TMTC4: variants seen among roughly 807,000 people sequenced by gnomAD.
TMTC4 encodes protein O-mannosyl-transferase TMTC4.
TMTC4 carries 65 observed loss-of-function variants against 86.0 expected under a neutral mutation model. That is an observed-to-expected ratio of 0.76 (90% confidence interval 0.62 to 0.93). The LOEUF (loss-of-function observed/expected upper bound fraction) is 0.93. TMTC4 is among the 40% of genes least tolerant of loss of function. The pLI is 0.00. For missense variants in TMTC4, 866 were observed against 948.1 expected, an observed-to-expected ratio of 0.91 and a Z score of 1.14; for synonymous variants, 379 against 382.5, an observed-to-expected ratio of 0.99 and a Z score of 0.11.
chr13:100,658,172 C>CA (rs1885334682), intron 5 of TMTC4, among the ~76,000 whole-genome samples: 1 of 152,174 alleles, frequency 6.6e-6, no homozygotes, highest in South Asian at 2.1e-4. Context: ...GTAAAATAGT[C>CA]AGAGATGCAG....
rs1390625868 is a variant in TMTC4, at chr13:100,625,629, C to T, written c.1742G>A (p.Ser581Asn). The T allele has an allele frequency of 1.9e-6, 3 of 1,614,188 alleles. No homozygotes were observed. Among genetic ancestry groups the T allele is most frequent in the Non-Finnish European group, 1.7e-6 (2 of 1,180,034 alleles). The stretch of plus-strand genomic sequence containing the variant: ...CTCTGCTGCTTCAAACCGTTTCAGG[C>T]TATTCTGCACTATGCCTAGATTCAT... The part of the protein sequence containing the change: ...AWMNLGIVQN[S>N]LKRFEAAEQS... The change falls in exon 15 of 19, where the codon AGC becomes AAC. Residue 581 changes from serine to asparagine, a missense_variant. Transcript: ENST00000342624.
chr13:100,616,393 G>T (rs1300644448), intron 15 of TMTC4, among the ~76,000 whole-genome samples: 1 of 152,030 alleles, frequency 6.6e-6, no homozygotes, highest in African/African-American at 2.4e-5. Context: ...AGTAGAGATG[G>T]GCTTTCACCA....
Position 100,604,840 on chromosome 13 carries a change from G to A in TMTC4, c.*154C>T, listed in dbSNP as rs1876327082. Reference sequence around the variant, plus strand: ...TCACGCATTCAAGAGTATATTGCTGGTGCTATAATCTTTTTGCATGTCTTT... The same window carrying A: ...TCACGCATTCAAGAGTATATTGCTGATGCTATAATCTTTTTGCATGTCTTT... On this transcript the variant is annotated 3_prime_UTR_variant, in exon 19 of 19. Transcript: ENST00000342624. 9 of 723,306 alleles carry A rather than the reference G, an allele frequency of 1.2e-5. No individual in the cohort carries two copies. Among genetic ancestry groups the A allele is most frequent in the Non-Finnish European group, 1.8e-5 (9 of 490,104 alleles). 44.8% of individuals were successfully genotyped at this position (723,306 alleles called of 1,614,324 possible).
At chr13:100,663,450 C>T (rs937119265) in intron 4 of TMTC4, among the ~76,000 whole-genome samples, 5 of 152,080 alleles carry the variant, frequency 3.3e-5, no homozygotes, top group African/African-American at 7.2e-5. Flanking sequence ...AGAGGAAAAT[C>T]GAAAGGAAAG....
chr13:100,623,640 GTTTTGTT>G (rs1271244590), intron 15 of TMTC4, among the ~76,000 whole-genome samples: 11 of 96,166 alleles, frequency 1.1e-4, no homozygotes, highest in Non-Finnish European at 1.4e-4. Context: ...TACTAGTTGG[GTTTTGTT>G]TTTTTTTTTT....
intron 12 of TMTC4, among the ~76,000 whole-genome samples, chr13:100,630,052 T>C (rs1379609225): frequency 6.6e-6 from 1 of 151,690 alleles, no homozygotes; most frequent in Non-Finnish European, 1.5e-5. Context: ...TGTGTGTGTG[T>C]GTGTGTGTGT....
chr13:100,636,869 A>T, intron 9 of TMTC4, 135 bp from the exon 10 acceptor site: 1 of 859,714 alleles, frequency 1.2e-6, no homozygotes, highest in Non-Finnish European at 1.8e-6. Flanking sequence ...AAATGTTGCC[A>T]ACGTGTATTG....
At chr13:100,643,220 C>A (rs74118116) in intron 6 of TMTC4, among the ~76,000 whole-genome samples, 1 of 152,186 alleles carries the variant, frequency 6.6e-6, no homozygotes, top group Non-Finnish European at 1.5e-5. Flanking sequence ...AAAAAGAGAT[C>A]GGTATCAAGT....
Position 100,656,485 on chromosome 13 carries a change from G to T in TMTC4, c.553-17C>A. 1 of 1,429,356 alleles carries T rather than the reference G, an allele frequency of 7.0e-7. No individual in the cohort carries two copies. Among genetic ancestry groups the T allele is most frequent in the South Asian group, 1.4e-5 (1 of 69,128 alleles). 88.5% of individuals were successfully genotyped at this position (1,429,356 alleles called of 1,614,324 possible). A position where few individuals can be genotyped will look rare whatever the true frequency, so the allele number is the denominator to read the frequency against. ...ACCAGCAACCTTAAAAAAGGGGGAAGAAAACAAAGAATTACATAAAACACA... is the reference window on the plus strand; with the variant it reads ...ACCAGCAACCTTAAAAAAGGGGGAATAAAACAAAGAATTACATAAAACACA... On this transcript the variant is annotated splice_polypyrimidine_tract_variant and intron_variant, in intron 5 of 18. Transcript: ENST00000342624.
rs759615673 is a variant in TMTC4 at position 100,634,836 on chromosome 13, C to G, written c.1475G>C (p.Ser492Thr). ...ATTGAGGGGACACACAGACAGAGCA[C>G]TTCTGAAAAGCTGTTCCTCACTCCG... is the stretch of plus-strand genomic sequence containing the variant. ...EWRSEEQLFR[S>T]ALSVCPLNAK... The change falls in exon 12 of 19, where the codon AGT becomes ACT. Residue 492 changes from serine (S) to threonine (T), a missense_variant. Transcript: ENST00000342624. The G allele has an allele frequency of 3.1e-6, 5 of 1,614,184 alleles. No individual in the cohort carries two copies. The highest frequency in any genetic ancestry group is 1.7e-5 in the Admixed American group (1 of 60,012).
chr13:100,636,396 T>C, intron 10 of TMTC4, 136 bp downstream of exon 10: 1 of 1,067,680 alleles, frequency 9.4e-7, no homozygotes. Context: ...GAACTCATCC[T>C]AGCCATAAAT....
intron 6 of TMTC4, among the ~76,000 whole-genome samples, chr13:100,654,945 A>G (rs1884894884): frequency 6.6e-6 from 1 of 151,946 alleles, no homozygotes; most frequent in African/African-American, 2.4e-5. Context: ...ATAAGTTAAA[A>G]TTATGTTAAC....
Position 100,635,032 on chromosome 13 carries a change from T to C in TMTC4, c.1366A>G (p.Lys456Glu). ...CCACTCTCAGTTGATACCTTTTTCTTGGTATGTTTGCTCAGGGCTCCGAAT... is the reference window on the plus strand; with the variant it reads ...CCACTCTCAGTTGATACCTTTTTCTCGGTATGTTTGCTCAGGGCTCCGAAT... ...FGFGALSKHTKKKKLIAAVVL... is the reference protein window; with the variant it reads ...FGFGALSKHTEKKKLIAAVVL... Residue 456 changes from lysine (K) to glutamate (E), a missense_variant, in exon 11 of 19, where the codon AAG (lysine) becomes GAG (glutamate). Physicochemically the swap from Lys to Glu is moderately conservative, Grantham distance 56 (BLOSUM62 1). Coordinates refer to ENST00000342624, the MANE Select transcript of TMTC4 (RefSeq NM_032813.5). The C allele has an allele frequency of 1.9e-6, 3 of 1,611,470 alleles. No individual in the cohort carries two copies. Among genetic ancestry groups the C allele is most frequent in the Non-Finnish European group, 2.5e-6 (3 of 1,178,442 alleles).
chr13:100,606,250 A>AGGCT, intron 18 of TMTC4, 108 bp downstream of exon 18: 1 of 913,100 alleles, frequency 1.1e-6, no homozygotes, highest in African/African-American at 1.7e-5. Context: ...TTTTAAAGCC[A>AGGCT]GGCTAGCTTT....
At chr13:100,623,645 G>GTTTTTTTT (rs58766408) in intron 15 of TMTC4, among the ~76,000 whole-genome samples, 1 of 113,308 alleles carries the variant, frequency 8.8e-6, no homozygotes. Flanking sequence ...GTTGGGTTTT[G>GTTTTTTTT]TTTTTTTTTT....
At chr13:100,624,688 G>C (rs1880176506) in intron 15 of TMTC4, among the ~76,000 whole-genome samples, 1 of 152,372 alleles carries the variant, frequency 6.6e-6, no homozygotes, top group Non-Finnish European at 1.5e-5. Context: ...GTAAGGCTAA[G>C]CTGGATAAAA....
At chr13:100,639,970 A>AAAATG (rs1429624628) in intron 7 of TMTC4, among the ~76,000 whole-genome samples, 1 of 151,908 alleles carries the variant, frequency 6.6e-6, no homozygotes, top group Non-Finnish European at 1.5e-5. Context: ...AAAATAAAAT[A>AAAATG]AAATAAAAAA....
intron 15 of TMTC4, among the ~76,000 whole-genome samples, chr13:100,623,693 G>T (rs1879949716): frequency 7.8e-6 from 1 of 128,902 alleles, no homozygotes. Flanking sequence ...CCAATGCAAT[G>T]GCTGGTCTTT....
intron 6 of TMTC4, among the ~76,000 whole-genome samples, chr13:100,647,410 T>TCCACC (rs1883900849): frequency 6.6e-6 from 1 of 152,040 alleles, no homozygotes; most frequent in African/African-American, 2.4e-5. Context: ...ATGGACACCC[T>TCCACC]CCACCCCACC....
Sources: gnomAD v4.1 joint callset for allele counts (sites outside exome capture counted in the v4.1 genomes callset) on GRCh38, gnomAD v4.1.1 for gene constraint, MANE v1.5 for transcripts, NCBI Gene and HGNC (gene_info 2026-07-23, HGNC 2026-07-21) for gene names.